The following SSX2IP variants were observed in gnomAD, a reference collection of about 807,000 sequenced individuals.
SSX2IP encodes the protein afadin- and alpha-actinin-binding protein.
A neutral mutation model predicts 84.9 loss-of-function variants in SSX2IP; 55 were observed. That is an observed-to-expected ratio of 0.65 (90% CI 0.52 to 0.81). The LOEUF is 0.81. SSX2IP is among the 30% of genes least tolerant of loss of function. The pLI is 0.00. For missense variants in SSX2IP, 664 were observed against 705.2 expected (o/e 0.94, Z 0.66); for synonymous variants, 239 against 234.7 (o/e 1.02, Z -0.17).
At chr1:84,662,615 T>A in intron 6 of SSX2IP, 85 bp from the exon 7 acceptor site, 1 of 1,457,580 alleles carries the variant, frequency 6.9e-7, no homozygotes, top group Non-Finnish European at 9.4e-7. Flanking sequence ...ACGTAAGTGG[T>A]GAAAGTGAAC....
intron 1 of SSX2IP, among the ~76,000 whole-genome samples, chr1:84,679,140 C>A (rs1009513969): frequency 7.6e-6 from 1 of 131,736 alleles, no homozygotes; most frequent in African/African-American, 2.6e-5. Context: ...AAATTCAGTC[C>A]TAAAACTTAA....
At chr1:84,666,320 C>T (rs950701745) in intron 4 of SSX2IP, 88 bp from the exon 5 acceptor site, 19 of 946,826 alleles carry the variant, frequency 2.0e-5, no homozygotes, top group Non-Finnish European at 2.8e-5. Flanking sequence ...AGAAGTTATA[C>T]ATCCTAGTGT....
At chr1:84,658,224 G>T in intron 9 of SSX2IP, 94 bp downstream of exon 9, 1 of 1,405,588 alleles carries the variant, frequency 7.1e-7, no homozygotes, top group Non-Finnish European at 9.9e-7. Context: ...TAGTACTTTA[G>T]CTCTGAGCCT....
At position 84,663,193 on chromosome 1, in the gene SSX2IP, A is replaced by G. The variant is rs140037905; in HGVS notation, c.674-663T>C. 1.4e-4 allele frequency among the ~76,000 whole-genome samples: 22 copies of G among 152,296 alleles called. No individual in the cohort carries two copies. In the East Asian group the frequency reaches 4.1e-3, roughly 28 times the overall value. ...TTCTGCTGCAGGTGGACATGGAAACATTTGGCGTAAAAAGGAAAAAGAGTA... is the reference window on the plus strand; with the variant it reads ...TTCTGCTGCAGGTGGACATGGAAACGTTTGGCGTAAAAAGGAAAAAGAGTA... On this transcript the variant is annotated intron_variant, in intron 6 of 13. Transcript: ENST00000342203.
intron 6 of SSX2IP, among the ~76,000 whole-genome samples, 163 bp from the exon 7 acceptor site, chr1:84,662,693 A>T (rs1570626312): frequency 3.9e-5 from 6 of 152,286 alleles, no homozygotes; most frequent in Admixed American, 3.9e-4. Flanking sequence ...ACCACTTGTA[A>T]GCAATGAGAT....
intron 1 of SSX2IP, among the ~76,000 whole-genome samples, chr1:84,672,650 G>C (rs1026858341): frequency 2.0e-5 from 3 of 152,200 alleles, no homozygotes; most frequent in Admixed American, 2.0e-4. Flanking sequence ...CTTTAGGCCA[G>C]ATCTGGACTG....
chr1:84,662,741 T>C (rs1408828707), intron 6 of SSX2IP, among the ~76,000 whole-genome samples: 4 of 152,154 alleles, frequency 2.6e-5, no homozygotes, highest in African/African-American at 9.7e-5. Context: ...TGTTTCTTCT[T>C]GGACACTGGG....
At chr1:84,656,064 G>A in intron 10 of SSX2IP, 59 bp from the exon 11 acceptor site, 1 of 1,460,320 alleles carries the variant, frequency 6.8e-7, no homozygotes, top group South Asian at 1.3e-5. Context: ...CCAACGAGTT[G>A]AAATGAAAGC....
rs1195650131 is a variant in SSX2IP at position 84,656,422 on chromosome 1, G to C, written c.1141C>G (p.Gln381Glu). 2 of 1,613,308 alleles carry C rather than the reference G, an allele frequency of 1.2e-6. No individual in the cohort carries two copies. The highest frequency in any genetic ancestry group is 1.7e-6 in the Non-Finnish European group (2 of 1,179,688). ...TCTAACTCGAGTTTTTCAGTTTCTT[G>C]TTCATGGTCTTGTCGTGAGATTACA... is the stretch of plus-strand genomic sequence containing the variant. ...EDVISRQDHE[Q>E]ETEKLELEIQ... Residue 381 changes from glutamine (Q) to glutamate (E), a missense_variant, in exon 10 of 14, where the codon CAA becomes GAA. Physicochemically the swap from Gln to Glu is conservative, Grantham distance 29. Transcript: ENST00000342203.
intron 1 of SSX2IP, among the ~76,000 whole-genome samples, chr1:84,682,649 C>T (rs1045921214): frequency 6.6e-5 from 10 of 151,878 alleles, no homozygotes; most frequent in South Asian, 2.1e-4. Context: ...GGACTACAGG[C>T]GCATGCCACC....
intron 4 of SSX2IP, among the ~76,000 whole-genome samples, 184 bp downstream of exon 4, chr1:84,669,497 C>T (rs531703851): frequency 5.0e-4 from 76 of 152,086 alleles, no homozygotes; most frequent in African/African-American, 1.7e-3. Flanking sequence ...AAAATTAATG[C>T]CTTCAATATA....
At chr1:84,676,629 A>G in intron 1 of SSX2IP, among the ~76,000 whole-genome samples, 1 of 151,986 alleles carries the variant, frequency 6.6e-6, no homozygotes, top group East Asian at 1.9e-4. Flanking sequence ...ACTAGTGCTC[A>G]GAGAGATCAA....
At chr1:84,678,659 T>C (rs1009871929) in intron 1 of SSX2IP, among the ~76,000 whole-genome samples, 2 of 152,164 alleles carry the variant, frequency 1.3e-5, no homozygotes, top group South Asian at 4.1e-4. Context: ...AAAAGAGCAA[T>C]GGAAAAGTAG....
rs1008519689 is a variant in SSX2IP at position 84,647,369 on chromosome 1, C to G, written c.*64G>C. ...AGAGATAACTGACTTTATGACACAC[C>G]CTGTTTCAACTTAGATGTGAAACTT... is the stretch of plus-strand genomic sequence containing the variant. On this transcript the variant is annotated 3_prime_UTR_variant, in exon 14 of 14. Coordinates refer to ENST00000342203, the MANE Select transcript of SSX2IP (RefSeq NM_001166293.2). The G allele has an allele frequency of 2.1e-6, 3 of 1,405,314 alleles. No individual in the cohort carries two copies. Among genetic ancestry groups the G allele is most frequent in the South Asian group, 3.2e-5 (2 of 63,472 alleles). 87.1% of individuals were successfully genotyped at this position (1,405,314 alleles called of 1,614,324 possible).
rs776503656 is a variant in SSX2IP at position 84,647,404 on chromosome 1, ATT to A, written c.*27_*28del. Reference sequence around the variant, plus strand: ...CTTAGATGTGAAACTTGATGAACACATTAATGAAAAAAATTCCAGTCCACATG... The same window carrying A: ...CTTAGATGTGAAACTTGATGAACACAAATGAAAAAAATTCCAGTCCACATG... On this transcript the variant is annotated 3_prime_UTR_variant, in exon 14 of 14. Transcript: ENST00000342203. The A allele has an allele frequency of 1.3e-6, 2 of 1,535,884 alleles. No homozygotes were observed. The highest frequency in any genetic ancestry group is 1.8e-6 in the Non-Finnish European group (2 of 1,139,854).
At chr1:84,673,075 T>C (rs1653821981) in intron 1 of SSX2IP, among the ~76,000 whole-genome samples, 1 of 152,208 alleles carries the variant, frequency 6.6e-6, no homozygotes, top group South Asian at 2.1e-4. Context: ...GCTCCTACTA[T>C]GTGCTACTAC....
Position 84,671,174 on chromosome 1 carries a change from T to C in SSX2IP, c.43+3A>G. ...TTGTTTACAATTATTTAGACTTAAT[T>C]ACCTGAAGACAGACCTGGATCTGTA... On this transcript the variant is annotated splice_donor_region_variant and intron_variant, in intron 2 of 13. Coordinates refer to ENST00000342203, the MANE Select transcript of SSX2IP (RefSeq NM_001166293.2). The C allele has an allele frequency of 6.2e-7, 1 of 1,608,474 alleles. No homozygotes were observed. The highest frequency in any genetic ancestry group is 8.5e-7 in the Non-Finnish European group (1 of 1,177,542).
At chr1:84,650,114 A>T (rs1387546848) in intron 13 of SSX2IP, 1 of 618,140 alleles carries the variant, frequency 1.6e-6, no homozygotes, top group African/African-American at 1.8e-5. Flanking sequence ...TGAAATAAAA[A>T]GACACACATC....
intron 1 of SSX2IP, among the ~76,000 whole-genome samples, chr1:84,688,585 C>T (rs769591630): frequency 2.2e-4 from 33 of 152,214 alleles, no homozygotes; most frequent in Non-Finnish European, 4.0e-4. Flanking sequence ...GGCCAAAAAG[C>T]AGACTGTCAA....
Sources: allele counts gnomAD v4.1 joint callset (sites outside exome capture counted in the v4.1 genomes callset), GRCh38; gene constraint gnomAD v4.1.1; transcripts MANE v1.5; gene names NCBI Gene and HGNC (gene_info 2026-07-23, HGNC 2026-07-21).